The following RORA variants were observed in gnomAD, a reference collection of about 807,000 sequenced individuals.
RORA encodes RAR related orphan receptor A.
In RORA, 7 loss-of-function variants were observed where a neutral mutation model predicts 69.5. That is an observed-to-expected ratio of 0.10 (90% CI 0.06 to 0.19). RORA has a LOEUF of 0.19. Ranked by LOEUF, RORA falls within the 10% of genes least tolerant of loss-of-function variation. RORA has a pLI of 1.00. For synonymous variants in RORA, 261 were observed against 240.8 expected (o/e 1.08, Z -0.78); for missense variants, 457 against 663.0 (o/e 0.69, Z 3.41).
intron 2 of RORA, among the ~76,000 whole-genome samples, chr15:60,538,998 T>TGCACAC (rs759149951): frequency 8.5e-5 from 2 of 23,642 alleles, no homozygotes; most frequent in Non-Finnish European, 1.8e-4. Context: ...ACCTGCCAAA[T>TGCACAC]GCACACACAC....
intron 1 of RORA, among the ~76,000 whole-genome samples, chr15:60,971,244 C>T (rs1251662360): frequency 6.6e-6 from 1 of 152,212 alleles, no homozygotes; most frequent in African/African-American, 2.4e-5. Flanking sequence ...CCTAACACTG[C>T]ATTTGTATCT....
At chr15:61,228,292 C>T (rs2080166797) in intron 1 of RORA, among the ~76,000 whole-genome samples, 1 of 151,962 alleles carries the variant, frequency 6.6e-6, no homozygotes, top group African/African-American at 2.4e-5. Flanking sequence ...CGCGCACACG[C>T]CCCCCGCCAG....
chr15:61,228,729 G>T (rs1455027155), intron 1 of RORA, among the ~76,000 whole-genome samples: 1 of 152,046 alleles, frequency 6.6e-6, no homozygotes, highest in Non-Finnish European at 1.5e-5. Context: ...TATTTTGGGG[G>T]AGCGTATTTA....
At chr15:61,098,277 C>A (rs1488374802) in intron 1 of RORA, among the ~76,000 whole-genome samples, 1 of 148,708 alleles carries the variant, frequency 6.7e-6, no homozygotes, top group Non-Finnish European at 1.5e-5. Context: ...CCCTTCTTCC[C>A]TCCTTCCCTG....
intron 1 of RORA, among the ~76,000 whole-genome samples, chr15:60,996,142 C>G (rs758771161): frequency 1.3e-5 from 2 of 151,804 alleles, no homozygotes; most frequent in South Asian, 2.1e-4. Context: ...GAGATCTCAG[C>G]TCACTGCAAC....
intron 1 of RORA, among the ~76,000 whole-genome samples, chr15:61,190,765 GA>G (rs1414122892): frequency 1.3e-5 from 2 of 151,930 alleles, no homozygotes; most frequent in Non-Finnish European, 2.9e-5. Flanking sequence ...GAAAAGAAAA[GA>G]AAAAAAGAAT....
chr15:60,942,914 C>T (rs532409491), intron 1 of RORA, among the ~76,000 whole-genome samples: 10 of 152,192 alleles, frequency 6.6e-5, no homozygotes, highest in African/African-American at 1.2e-4. Context: ...ATCAAGCCCA[C>T]GAAGCCCTGT....
intron 1 of RORA, among the ~76,000 whole-genome samples, chr15:60,682,953 G>T (rs1386378491): frequency 6.6e-6 from 1 of 152,128 alleles, no homozygotes; most frequent in Non-Finnish European, 1.5e-5. Context: ...GGATGACTTG[G>T]GCAAATAATT....
At chr15:60,584,705 T>A (rs1422591122) in intron 2 of RORA, among the ~76,000 whole-genome samples, 1 of 152,148 alleles carries the variant, frequency 6.6e-6, no homozygotes, top group African/African-American at 2.4e-5. Context: ...ACAGAAGATT[T>A]GAAGTGAGAT....
At chr15:60,787,941 T>C (rs1187062823) in intron 1 of RORA, among the ~76,000 whole-genome samples, 2 of 152,250 alleles carry the variant, frequency 1.3e-5, no homozygotes, top group African/African-American at 2.4e-5. Flanking sequence ...CTGGGGATAC[T>C]GCAGTGGGTG....
At chr15:61,004,088 T>C (rs560829335) in intron 1 of RORA, among the ~76,000 whole-genome samples, 1 of 152,140 alleles carries the variant, frequency 6.6e-6, no homozygotes, top group South Asian at 2.1e-4. Context: ...ACGGTTCAGA[T>C]CCCAGAGTGA....
chr15:60,752,757 T>C (rs372621341), intron 1 of RORA, among the ~76,000 whole-genome samples: 13 of 152,012 alleles, frequency 8.6e-5, no homozygotes, highest in African/African-American at 2.9e-4. Context: ...AAATAATGAA[T>C]AGCGCTGGTC....
intron 1 of RORA, among the ~76,000 whole-genome samples, chr15:61,096,819 C>T (rs1255313645): frequency 6.6e-6 from 1 of 152,138 alleles, no homozygotes; most frequent in African/African-American, 2.4e-5. Flanking sequence ...TGTGAGTGTT[C>T]GTGATACATT....
rs551131648 is a variant in RORA, at chr15:60,574,326, A to G, written c.197-42475T>C. ...TTGGCACACAGGAAGCGCTTTATAA[A>G]TGATAGGCTTAGAACATATATTACT... On this transcript the variant is annotated intron_variant, in intron 2 of 10. Transcript: ENST00000335670. 4.6e-5 allele frequency among the ~76,000 whole-genome samples: 7 copies of G among 152,360 alleles called. No homozygotes were observed. The East Asian group carries it at 5.8e-4, about 13-fold the overall frequency.
intron 2 of RORA, among the ~76,000 whole-genome samples, chr15:60,672,723 G>T (rs1436485936): frequency 1.3e-5 from 2 of 152,190 alleles, no homozygotes; most frequent in Non-Finnish European, 2.9e-5. Context: ...GCAGTACAAA[G>T]CTCCTAAAGC....
At chr15:61,059,988 G>GGAA (rs71122901) in intron 1 of RORA, among the ~76,000 whole-genome samples, 4,947 of 85,544 alleles carry the variant, frequency 0.058, 179 homozygotes, top group Middle Eastern at 0.12. Context: ...AAGAGGAAGA[G>GGAA]GAAGAAGAAG....
intron 1 of RORA, among the ~76,000 whole-genome samples, chr15:61,135,146 T>TA (rs59644906): frequency 0.082 from 4,624 of 56,494 alleles, 169 homozygotes; most frequent in African/African-American, 0.11. Flanking sequence ...CATCTCTTAC[T>TA]AAAAAAAAAA....
At chr15:61,133,811 C>T (rs1421422440) in intron 1 of RORA, among the ~76,000 whole-genome samples, 3 of 152,106 alleles carry the variant, frequency 2.0e-5, no homozygotes, top group Non-Finnish European at 2.9e-5. Context: ...TGATGCCACC[C>T]CCTTACCTTT....
chr15:60,966,702 C>G (rs1893562838), intron 1 of RORA, among the ~76,000 whole-genome samples: 1 of 152,202 alleles, frequency 6.6e-6, no homozygotes, highest in Non-Finnish European at 1.5e-5. Context: ...TTCTACATTT[C>G]TGATAAACCT....
Sources: allele counts gnomAD v4.1 joint callset (sites outside exome capture counted in the v4.1 genomes callset), GRCh38; gene constraint gnomAD v4.1.1; transcripts MANE v1.5; gene names NCBI Gene and HGNC (gene_info 2026-07-23, HGNC 2026-07-21).